Variants in SEC14L1 observed in about 807,000 individuals in gnomAD.
The protein encoded by SEC14L1 is SEC14 like lipid binding 1.
A neutral mutation model predicts 85.3 loss-of-function variants in SEC14L1; 48 were observed. The observed-to-expected ratio is 0.56, with a 90% confidence interval of 0.45 to 0.72. SEC14L1 has a LOEUF of 0.72. Among genes scored for constraint, SEC14L1 ranks in the 30% least tolerant of loss-of-function variants. The pLI, the probability that SEC14L1 is intolerant of heterozygous loss-of-function variation, is 0.00. For missense variants in SEC14L1, 682 were observed against 921.4 expected (o/e 0.74, Z 3.36); for synonymous variants, 391 against 355.5 (o/e 1.10, Z -1.12).
intron 3 of SEC14L1, among the ~76,000 whole-genome samples, chr17:77,125,056 G>A (rs1374193387): frequency 1.3e-5 from 2 of 151,276 alleles, no homozygotes; most frequent in Non-Finnish European, 2.9e-5. Flanking sequence ...TCAGGCTGGA[G>A]TGCAGTGGCA....
chr17:77,212,084 CAGCA>C lies in SEC14L1; in HGVS notation c.1747_1750del (p.Ile584ProfsTer11). 6.2e-7 allele frequency: 1 copy of C among 1,614,182 alleles called. No individual in the cohort carries two copies. Among genetic ancestry groups the C allele is most frequent in the South Asian group, 1.1e-5 (1 of 91,084 alleles). On this transcript the variant is annotated frameshift_variant, in exon 15 of 17. Transcript: ENST00000436233. LOFTEE classifies it high-confidence loss of function. ...CCAAAAAGGACTCCCTGGGAGCCCA[CAGCA>C]TCACCTCTCCGGGTGGGAACAATGT... is the stretch of plus-strand genomic sequence containing the variant.
chr17:77,205,241 AATC>A, intron 10 of SEC14L1, 32 bp from the exon 11 acceptor site: 1 of 1,585,128 alleles, frequency 6.3e-7, no homozygotes, highest in African/African-American at 1.3e-5. Context: ...GCCTTAAACT[AATC>A]ATGGTAAATT....
At position 77,196,325 on chromosome 17, in the gene SEC14L1, C is replaced by T. The variant is rs1451000855; in HGVS notation, c.819+14C>T. 2 of 1,511,620 alleles carry T rather than the reference C, an allele frequency of 1.3e-6. No individual in the cohort carries two copies. The highest frequency in any genetic ancestry group is 1.8e-6 in the Non-Finnish European group (2 of 1,088,004). The allele number at this position is 1,511,620 out of a possible 1,614,324, so 93.6% of individuals were successfully genotyped here. On this transcript the variant is annotated intron_variant, in intron 8 of 16. Transcript: ENST00000436233. Reference sequence around the variant, plus strand: ...CACAAGGGCAAAGTGAGTGTCAGCACCACACCCAGTGTGCAGGGCCAGAGC... The same window carrying T: ...CACAAGGGCAAAGTGAGTGTCAGCATCACACCCAGTGTGCAGGGCCAGAGC...
rs1976478058 is a variant in SEC14L1, at chr17:77,206,641, T to TC, written c.1342-84dup. ...AAACTTGAATGTCTTCCCCCCACCC[T>TC]CCCACTCAGAATACCACATTGTCAT... On this transcript the variant is annotated intron_variant, in intron 12 of 16. Transcript: ENST00000436233. The surrounding 1 kb of genome is among the most constrained non-coding windows in gnomAD (Gnocchi z 4.3). 7.1e-7 allele frequency: 1 copy of TC among 1,400,240 alleles called. No homozygotes were observed. The highest frequency in any genetic ancestry group is 2.3e-4 in the Middle Eastern group (1 of 4,282). The allele number at this position is 1,400,240 out of a possible 1,614,324, so 86.7% of individuals were successfully genotyped here.
intron 3 of SEC14L1, among the ~76,000 whole-genome samples, chr17:77,098,816 A>C (rs1971704687): frequency 6.6e-6 from 1 of 152,182 alleles, no homozygotes; most frequent in Non-Finnish European, 1.5e-5. Flanking sequence ...CACTACTTCT[A>C]CACTAGCTCC....
At chr17:77,205,796 A>G (rs973656316) in intron 11 of SEC14L1, among the ~76,000 whole-genome samples, 3 of 152,178 alleles carry the variant, frequency 2.0e-5, no homozygotes, top group Non-Finnish European at 2.9e-5. Flanking sequence ...TGACTGCTGT[A>G]TTCTCAGCTC....
rs1391743854 is a variant in SEC14L1, at chr17:77,206,785, G to C, written c.1399G>C (p.Asp467His). Residue 467 changes from aspartate (D) to histidine (H), a missense_variant, in exon 13 of 17, where the codon GAC becomes CAC. Transcript: ENST00000436233. The surrounding 1 kb of genome is among the most constrained non-coding windows in gnomAD (Gnocchi z 4.3). ...GAAGTTCCTCATTTATGCAGGAAAT[G>C]ACTACCAGGGTCCTGGAGGCCTGCT... ...RRKFLIYAGN[D>H]YQGPGGLLDY... 1.9e-6 allele frequency: 3 copies of C among 1,612,690 alleles called. No homozygotes were observed. The highest frequency in any genetic ancestry group is 1.7e-4 in the Middle Eastern group (1 of 6,058).
intron 3 of SEC14L1, among the ~76,000 whole-genome samples, chr17:77,163,665 G>A (rs1974163933): frequency 6.6e-6 from 1 of 152,168 alleles, no homozygotes; most frequent in Non-Finnish European, 1.5e-5. Flanking sequence ...GCATTCACAT[G>A]GATATTCAGT....
At chr17:77,154,483 G>A (rs938726402) in intron 3 of SEC14L1, among the ~76,000 whole-genome samples, 2 of 152,152 alleles carry the variant, frequency 1.3e-5, no homozygotes, top group Non-Finnish European at 2.9e-5. Flanking sequence ...GTATATGAGA[G>A]GATGTGTGTA....
At chr17:77,129,667 C>T (rs1972556706) in intron 3 of SEC14L1, among the ~76,000 whole-genome samples, 1 of 152,118 alleles carries the variant, frequency 6.6e-6, no homozygotes. Flanking sequence ...TTCAGTTCTG[C>T]CCGCAGAGCT....
chr17:77,094,160 G>A (rs1241105656), intron 3 of SEC14L1: 2 of 151,922 alleles, frequency 1.3e-5, no homozygotes, highest in African/African-American at 4.8e-5. Flanking sequence ...GGGATTACAG[G>A]TGCCTGCCAC....
chr17:77,143,636 T>C lies in SEC14L1; in HGVS notation c.40T>C (p.Tyr14His). The change falls in exon 3 of 17, where the codon TAC (tyrosine) becomes CAC (histidine). Residue 14 changes from tyrosine to histidine, a missense_variant. Transcript: ENST00000436233. The part of the protein sequence containing the change: ...KYQSPVRVYK[Y>H]PFELIMAAYE... ...CCAGTCCCCAGTGAGGGTGTACAAA[T>C]ACCCCTTTGAATTAATTATGGCTGT... 6.2e-7 allele frequency: 1 copy of C among 1,612,986 alleles called. No homozygotes were observed. Among genetic ancestry groups the C allele is most frequent in the Non-Finnish European group, 8.5e-7 (1 of 1,179,096 alleles).
At position 77,191,446 on chromosome 17, in the gene SEC14L1, C is replaced by G. The variant is rs1181723953; in HGVS notation, c.345+134C>G. On this transcript the variant is annotated intron_variant, in intron 5 of 16. Transcript: ENST00000436233. ...TCATTAGATGTTGTCACTCATTTCTCATGTGTAGGAGGAAGGGTAGCAGGT... is the reference window on the plus strand; with the variant it reads ...TCATTAGATGTTGTCACTCATTTCTGATGTGTAGGAGGAAGGGTAGCAGGT... 67 of 981,774 alleles carry G rather than the reference C, an allele frequency of 6.8e-5. No individual in the cohort carries two copies. The East Asian group carries it at 1.6e-3, about 23-fold the overall frequency. 60.8% of individuals were successfully genotyped at this position (981,774 alleles called of 1,614,324 possible). A position where few individuals can be genotyped will look rare whatever the true frequency, so the allele number is the denominator to read the frequency against.
At chr17:77,127,342 T>G (rs1598261115) in intron 3 of SEC14L1, among the ~76,000 whole-genome samples, 1 of 149,274 alleles carries the variant, frequency 6.7e-6, no homozygotes, top group Non-Finnish European at 1.5e-5. Flanking sequence ...TTTCAAGGGG[T>G]CTGTTTTCTT....
intron 3 of SEC14L1, among the ~76,000 whole-genome samples, chr17:77,119,314 A>G (rs1017340613): frequency 2.0e-5 from 3 of 151,938 alleles, no homozygotes; most frequent in African/African-American, 7.3e-5. Context: ...TCCCAAAAAA[A>G]AAAAAAAAAA....
chr17:77,117,271 C>T (rs1236945227), intron 3 of SEC14L1, among the ~76,000 whole-genome samples: 2 of 151,978 alleles, frequency 1.3e-5, no homozygotes, highest in African/African-American at 4.8e-5. Context: ...TGCTTGAACC[C>T]GAGAGGTGGA....
chr17:77,195,070 T>C lies in SEC14L1; in HGVS notation c.709+159T>C, dbSNP rs1975737795. On this transcript the variant is annotated intron_variant, in intron 7 of 16. Coordinates refer to ENST00000436233, the MANE Select transcript of SEC14L1 (RefSeq NM_001143998.2). Reference sequence around the variant, plus strand: ...TTTCTGGCCCTTGTCCTCTCGCTTATGTAATACATTCATTTTACCTTTTAT... The same window carrying C: ...TTTCTGGCCCTTGTCCTCTCGCTTACGTAATACATTCATTTTACCTTTTAT... 25 of 597,224 alleles carry C rather than the reference T, an allele frequency of 4.2e-5. No homozygotes were observed. The South Asian group carries it at 5.2e-4, about 13-fold the overall frequency. The allele number at this position is 597,224 out of a possible 1,614,324, so 37.0% of individuals were successfully genotyped here.
intron 3 of SEC14L1, 132 bp from the exon 4 acceptor site, chr17:77,190,671 G>C: frequency 1.2e-6 from 1 of 822,984 alleles, no homozygotes; most frequent in South Asian, 1.7e-5. Context: ...GAAAGCTTCA[G>C]ATGTGAAGAC....
chr17:77,117,787 C>T (rs1446947595), intron 3 of SEC14L1, among the ~76,000 whole-genome samples: 1 of 152,208 alleles, frequency 6.6e-6, no homozygotes, highest in African/African-American at 2.4e-5. Context: ...TCTCCTGTGC[C>T]TCCTTCTTCG....
Sources: allele counts gnomAD v4.1 joint callset (sites outside exome capture counted in the v4.1 genomes callset), GRCh38; gene constraint gnomAD v4.1.1; non-coding constraint Gnocchi (gnomAD v3.1); transcripts MANE v1.5; gene names NCBI Gene and HGNC (gene_info 2026-07-23, HGNC 2026-07-21).